The following RPS14 variants were observed in gnomAD, a reference collection of about 807,000 sequenced individuals.
The protein encoded by RPS14 is small ribosomal subunit protein uS11.
In RPS14, 1 loss-of-function variant was observed where a neutral mutation model predicts 15.4. The observed-to-expected ratio is 0.07, with a 90% CI of 0.02 to 0.31. The LOEUF is 0.31. Ranked by LOEUF, RPS14 falls within the 10% of genes least tolerant of loss-of-function variation. The probability of loss-of-function intolerance (pLI) is 1.00; values close to 1 mark genes in which losing one functional copy is unlikely to be tolerated. For synonymous variants in RPS14, 68 were observed against 74.4 expected (o/e 0.91, Z 0.44); for missense variants, 69 against 205.5 (o/e 0.34, Z 4.06).
intron 4 of RPS14, chr5:150,444,730 C>A (rs943696912): frequency 4.4e-6 from 2 of 452,188 alleles, no homozygotes; most frequent in Non-Finnish European, 8.8e-6. Flanking sequence ...CTGAAAAAAT[C>A]TTTTAAGGCT....
At chr5:150,444,938 A>G (rs79832093) in intron 4 of RPS14, among the ~76,000 whole-genome samples, 4,502 of 152,122 alleles carry the variant, frequency 0.03, 104 homozygotes, top group South Asian at 0.058. Flanking sequence ...TCCTTTGGAC[A>G]GATCCGCCCA....
intron 1 of RPS14, 166 bp from the exon 2 acceptor site, chr5:150,447,901 T>A: frequency 1.4e-6 from 1 of 733,912 alleles, no homozygotes; most frequent in Non-Finnish European, 2.2e-6. Flanking sequence ...TTCTTTCTCC[T>A]TGCACTTGGG....
chr5:150,444,861 C>CA (rs58978883), intron 4 of RPS14, among the ~76,000 whole-genome samples: 7,713 of 138,146 alleles, frequency 0.056, 611 homozygotes, highest in African/African-American at 0.17. Context: ...CTCCCCGCTA[C>CA]AAAAAAAAAA....
intron 4 of RPS14, chr5:150,444,574 T>C (rs1029044981): frequency 3.0e-6 from 2 of 675,334 alleles, no homozygotes; most frequent in Non-Finnish European, 5.4e-6. Context: ...GGAAACAGGC[T>C]GAGCTGTGCG....
At chr5:150,445,888 C>G (rs1357230647) in intron 3 of RPS14, among the ~76,000 whole-genome samples, 1 of 152,118 alleles carries the variant, frequency 6.6e-6, no homozygotes, top group Non-Finnish European at 1.5e-5. Flanking sequence ...CTCAGGAGTT[C>G]AAGACCAGCC....
At chr5:150,445,531 T>C (rs757272511) in intron 4 of RPS14, 78 bp downstream of exon 4, 16 of 1,356,342 alleles carry the variant, frequency 1.2e-5, no homozygotes, top group Non-Finnish European at 1.7e-5. Context: ...CCGCTGCACA[T>C]CCACTGGGCA....
chr5:150,443,319 G>A lies in RPS14; in HGVS notation c.*967C>T, dbSNP rs1770994922. On this transcript the variant is annotated 3_prime_UTR_variant, in exon 5 of 5. Coordinates refer to ENST00000407193, the MANE Select transcript of RPS14 (RefSeq NM_005617.4). The stretch of plus-strand genomic sequence containing the variant: ...AATGCTATCCCTCCCGCCTCCCCAG[G>A]AGTACTGTTATTTCATCAGGTTAAG... 6.6e-6 allele frequency: 1 copy of A among 152,008 alleles called. No homozygotes were observed. Among genetic ancestry groups the A allele is most frequent in the Non-Finnish European group, 1.5e-5 (1 of 68,026 alleles). 9.4% of individuals were successfully genotyped at this position (152,008 alleles called of 1,614,324 possible). A position where few individuals can be genotyped will look rare whatever the true frequency, so the allele number is the denominator to read the frequency against.
At chr5:150,447,077 C>T (rs1771122025) in intron 2 of RPS14, 114 bp from the exon 3 acceptor site, 2 of 1,294,744 alleles carry the variant, frequency 1.5e-6, no homozygotes, top group South Asian at 1.3e-5. Flanking sequence ...TGGTCATGGG[C>T]TCTGCCCTCA....
At chr5:150,444,766 C>T in intron 4 of RPS14, 1 of 408,386 alleles carries the variant, frequency 2.4e-6, no homozygotes, top group Admixed American at 2.8e-5. Flanking sequence ...TGCCTGTAAT[C>T]CTAGCACTTT....
chr5:150,448,676 AAAC>A (rs1245517308), intron 1 of RPS14: 3 of 152,348 alleles, frequency 2.0e-5, no homozygotes, highest in Non-Finnish European at 4.4e-5. Context: ...CCAAACATAG[AAAC>A]AACGTGTCCT....
rs759867065 is a variant in RPS14 at position 150,445,600 on chromosome 5, G to A, written c.388+9C>T. ...TAAACCCAAGCATTAGCTAGAGGGG[G>A]GCACTTACCAATCCGCCCGATCTTC... On this transcript the variant is annotated intron_variant, in intron 4 of 4. Coordinates refer to ENST00000407193, the MANE Select transcript of RPS14 (RefSeq NM_005617.4). 15 of 1,612,736 alleles carry A rather than the reference G, an allele frequency of 9.3e-6. No individual in the cohort carries two copies. The highest frequency in any genetic ancestry group is 1.6e-4 in the Middle Eastern group (1 of 6,076).
At chr5:150,445,247 T>C (rs1771058581) in intron 4 of RPS14, among the ~76,000 whole-genome samples, 1 of 152,188 alleles carries the variant, frequency 6.6e-6, no homozygotes, top group South Asian at 2.1e-4. Flanking sequence ...GCCCAACTGA[T>C]ATTTAGTAGG....
At position 150,447,092 on chromosome 5, in the gene RPS14, G is replaced by A. The variant is rs774194790; in HGVS notation, c.150-129C>T. On this transcript the variant is annotated intron_variant, in intron 2 of 4. Transcript: ENST00000407193. The stretch of plus-strand genomic sequence containing the variant: ...TGGTCATGGGCTCTGCCCTCATGGA[G>A]TTCAGTCCAGTGGGGTTGAATGGCC... 3.8e-6 allele frequency: 4 copies of A among 1,042,722 alleles called. No homozygotes were observed. In the East Asian group the frequency reaches 9.5e-5, roughly 25 times the overall value. The allele number at this position is 1,042,722 out of a possible 1,614,324, so 64.6% of individuals were successfully genotyped here.
chr5:150,444,473 C>A, intron 4 of RPS14, 120 bp from the exon 5 acceptor site: 1 of 759,398 alleles, frequency 1.3e-6, no homozygotes, highest in South Asian at 1.5e-5. Flanking sequence ...AATGACTCCC[C>A]AGTACCTAAC....
chr5:150,446,569 G>A lies in RPS14; in HGVS notation c.311+233C>T, dbSNP rs1194403870. Among the ~76,000 whole-genome samples, 1 of 152,144 alleles carries A rather than the reference G, an allele frequency of 6.6e-6. No homozygotes were observed. Among genetic ancestry groups the A allele is most frequent in the Non-Finnish European group, 1.5e-5 (1 of 68,028 alleles). On this transcript the variant is annotated intron_variant, in intron 3 of 4. Coordinates refer to ENST00000407193, the MANE Select transcript of RPS14 (RefSeq NM_005617.4). This position sits in a 1 kb window ranked among gnomAD's most constrained non-coding sequence, Gnocchi z 4.2. The stretch of plus-strand genomic sequence containing the variant: ...CCCACACAAGGAGGGTAGAGACCAT[G>A]TCTGTTTCCCCATCACTCTCTTCTA...
Position 150,445,543 on chromosome 5 carries a change from A to G in RPS14, c.388+66T>C, listed in dbSNP as rs551736666. On this transcript the variant is annotated intron_variant, in intron 4 of 4. Coordinates refer to ENST00000407193, the MANE Select transcript of RPS14 (RefSeq NM_005617.4). Reference sequence around the variant, plus strand: ...CAGCCGCTGCACATCCACTGGGCACAGCACGTGCTTTTTGGGGCCAATGCT... The same window carrying G: ...CAGCCGCTGCACATCCACTGGGCACGGCACGTGCTTTTTGGGGCCAATGCT... 3.8e-5 allele frequency: 54 copies of G among 1,436,424 alleles called. No individual in the cohort carries two copies. The Admixed American group carries it at 6.5e-4, about 17-fold the overall frequency. 89.0% of individuals were successfully genotyped at this position (1,436,424 alleles called of 1,614,324 possible).
Position 150,445,357 on chromosome 5 carries a change from CTT to C in RPS14, c.388+250_388+251del, listed in dbSNP as rs371849409. ...GAATGGAGGAAAGGACAATTCATCT[CTT>C]GTCAGTTTTACCTGCACCAGGCAGT... is the stretch of plus-strand genomic sequence containing the variant. On this transcript the variant is annotated intron_variant, in intron 4 of 4. Coordinates refer to ENST00000407193, the MANE Select transcript of RPS14 (RefSeq NM_005617.4). 167 of 646,866 alleles carry C rather than the reference CTT, an allele frequency of 2.6e-4. 1 individual carries two copies. The highest frequency in any genetic ancestry group is 2.4e-3 in the African/African-American group (131 of 54,578). The allele number at this position is 646,866 out of a possible 1,614,324, so 40.1% of individuals were successfully genotyped here.
chr5:150,445,473 C>CT (rs746061236), intron 4 of RPS14, 136 bp downstream of exon 4: 3 of 794,680 alleles, frequency 3.8e-6, no homozygotes, highest in Middle Eastern at 2.2e-4. Flanking sequence ...CAAGGTGCCT[C>CT]TTGCAGCCTC....
At chr5:150,449,475 C>A (rs535531436) in intron 1 of RPS14, 1 of 151,400 alleles carries the variant, frequency 6.6e-6, no homozygotes, top group East Asian at 2.0e-4. Flanking sequence ...AAAGGCTGGA[C>A]CCGCACTCAC....
Sources: allele counts gnomAD v4.1 joint callset (sites outside exome capture counted in the v4.1 genomes callset), GRCh38; gene constraint gnomAD v4.1.1; non-coding constraint Gnocchi (gnomAD v3.1); transcripts MANE v1.5; gene names NCBI Gene and HGNC (gene_info 2026-07-23, HGNC 2026-07-21).